Variants in SNTG2 observed in about 807,000 individuals in gnomAD.
SNTG2 encodes the protein syntrophin gamma 2, also known as gamma-2-syntrophin.
SNTG2 carries 74 observed loss-of-function variants against 70.9 expected under a neutral mutation model. The ratio of observed to expected loss-of-function variants is 1.04; its 90% CI spans 0.86 to 1.27. The LOEUF is 1.27. Ranked by LOEUF, SNTG2 falls within the 50% of genes most tolerant of loss-of-function variation. The probability of loss-of-function intolerance (pLI) is 0.00; values close to 1 mark genes in which losing one functional copy is unlikely to be tolerated. For missense variants in SNTG2, 717 were observed against 690.7 expected (o/e 1.04, Z -0.43); for synonymous variants, 278 against 273.8 (o/e 1.02, Z -0.15).
intron 1 of SNTG2, among the ~76,000 whole-genome samples, chr2:1,043,282 G>A (rs1350012748): frequency 6.6e-6 from 1 of 151,788 alleles, no homozygotes; most frequent in Non-Finnish European, 1.5e-5. Flanking sequence ...TCTTTTGTTA[G>A]ATTTGTTTAA....
intron 7 of SNTG2, among the ~76,000 whole-genome samples, chr2:1,171,208 T>C (rs1178263892): frequency 6.6e-6 from 1 of 152,214 alleles, no homozygotes; most frequent in African/African-American, 2.4e-5. Flanking sequence ...ACATTTCTGT[T>C]CTGGGATATG....
At chr2:1,167,869 C>T (rs1247209400) in intron 7 of SNTG2, among the ~76,000 whole-genome samples, 3 of 124,870 alleles carry the variant, frequency 2.4e-5, no homozygotes, top group South Asian at 5.7e-4. Flanking sequence ...CGCCCACAGA[C>T]GGCAGAACTG....
intron 9 of SNTG2, chr2:1,219,765 G>A (rs1674632008): frequency 6.6e-6 from 1 of 152,078 alleles, no homozygotes; most frequent in African/African-American, 2.4e-5. Flanking sequence ...AGTAGTAAGG[G>A]AGGAAGAGAG....
chr2:970,679 T>C (rs1412531499), intron 1 of SNTG2, among the ~76,000 whole-genome samples: 1 of 147,054 alleles, frequency 6.8e-6, no homozygotes, highest in African/African-American at 2.5e-5. Context: ...TGTTGGACAT[T>C]TGGGTTGGTT....
At position 996,038 on chromosome 2, in the gene SNTG2, T is replaced by G. The variant is rs544315885; in HGVS notation, c.72+44970T>G. 9.2e-5 allele frequency among the ~76,000 whole-genome samples: 14 copies of G among 152,308 alleles called. No homozygotes were observed. In the East Asian group the frequency reaches 2.7e-3, roughly 29 times the overall value. ...GTTATTTTTTTGTTGTTGTTTGCCTTGTAATGAGGAAACACTTTTATTGTC... is the reference window on the plus strand; with the variant it reads ...GTTATTTTTTTGTTGTTGTTTGCCTGGTAATGAGGAAACACTTTTATTGTC... On this transcript the variant is annotated intron_variant, in intron 1 of 16. Transcript: ENST00000308624.
chr2:1,197,882 A>C (rs1673026356), intron 8 of SNTG2, among the ~76,000 whole-genome samples: 1 of 152,144 alleles, frequency 6.6e-6, no homozygotes, highest in Admixed American at 6.5e-5. Flanking sequence ...TAAATAATGA[A>C]ATAAACTCCA....
chr2:1,351,639 G>A (rs1261139246), intron 16 of SNTG2, among the ~76,000 whole-genome samples: 5 of 152,130 alleles, frequency 3.3e-5, no homozygotes, highest in South Asian at 4.1e-4. Flanking sequence ...CTACCCACTC[G>A]GCCGCATCCA....
Position 1,221,512 on chromosome 2 carries a change from T to TGC in SNTG2, c.719+12282_719+12283insGC, listed in dbSNP as rs1674857298. Among the ~76,000 whole-genome samples, 2 of 10,328 alleles carry TGC rather than the reference T, an allele frequency of 1.9e-4. 1 individual carries two copies. Among genetic ancestry groups the TGC allele is most frequent in the African/African-American group, 9.7e-4 (2 of 2,052 alleles). 6.8% of individuals were successfully genotyped at this position (10,328 alleles called of 152,430 possible). On this transcript the variant is annotated intron_variant, in intron 9 of 16. Coordinates refer to ENST00000308624, the MANE Select transcript of SNTG2 (RefSeq NM_018968.4). ...CTGTCTCTCTCTGTCTCTCTCTCTC[T>TGC]CTCTGTCTCTCTCTATCTCTGTCTC...
intron 12 of SNTG2, among the ~76,000 whole-genome samples, chr2:1,251,608 GCACACAC>G (rs1677770319): frequency 8.2e-6 from 1 of 122,410 alleles, no homozygotes; most frequent in Admixed American, 8.3e-5. Flanking sequence ...CCACACTCAT[GCACACAC>G]CACACACACC....
At chr2:1,241,819 C>T (rs1193344719) in intron 11 of SNTG2, among the ~76,000 whole-genome samples, 1 of 152,128 alleles carries the variant, frequency 6.6e-6, no homozygotes, top group Non-Finnish European at 1.5e-5. Context: ...CATATTAAGC[C>T]TTGTGTATTT....
rs1014105572 is a variant in SNTG2, at chr2:994,917, T to A, written c.72+43849T>A. ...TTGGCTTTTGCTTATTGATCTCGTATCCTGCCACATTGCCAAACTCATTTA... is the reference window on the plus strand; with the variant it reads ...TTGGCTTTTGCTTATTGATCTCGTAACCTGCCACATTGCCAAACTCATTTA... On this transcript the variant is annotated intron_variant, in intron 1 of 16. Transcript: ENST00000308624. 2.6e-5 allele frequency among the ~76,000 whole-genome samples: 4 copies of A among 151,320 alleles called. No individual in the cohort carries two copies. In the Admixed American group the frequency reaches 2.6e-4, roughly 10 times the overall value.
At chr2:952,473 T>G (rs1660006574) in intron 1 of SNTG2, among the ~76,000 whole-genome samples, 1 of 152,254 alleles carries the variant, frequency 6.6e-6, no homozygotes, top group South Asian at 2.1e-4. Flanking sequence ...CGTCAACAAA[T>G]AAAGCAACTG....
intron 1 of SNTG2, among the ~76,000 whole-genome samples, chr2:985,676 T>A (rs1467250587): frequency 6.6e-6 from 1 of 152,102 alleles, no homozygotes; most frequent in Non-Finnish European, 1.5e-5. Flanking sequence ...TGTGGTTGAT[T>A]TTATGGTATT....
At chr2:1,229,513 A>C (rs1676040464) in intron 9 of SNTG2, among the ~76,000 whole-genome samples, 1 of 152,182 alleles carries the variant, frequency 6.6e-6, no homozygotes, top group Non-Finnish European at 1.5e-5. Flanking sequence ...TCCCCACCAG[A>C]CTCAGGAGCC....
intron 2 of SNTG2, among the ~76,000 whole-genome samples, chr2:1,086,003 T>C (rs1217529540): frequency 6.6e-6 from 1 of 152,184 alleles, no homozygotes; most frequent in African/African-American, 2.4e-5. Context: ...ATTTTACTAT[T>C]TAGGAAATTA....
chr2:1,259,500 A>T (rs894833674), intron 13 of SNTG2, 59 bp downstream of exon 13: 2 of 1,361,424 alleles, frequency 1.5e-6, no homozygotes, highest in Non-Finnish European at 2.1e-6. Flanking sequence ...TTGGGCTTGC[A>T]GAATGAGAGG....
At chr2:1,011,738 A>C (rs1227733908) in intron 1 of SNTG2, among the ~76,000 whole-genome samples, 2 of 151,894 alleles carry the variant, frequency 1.3e-5, no homozygotes, top group African/African-American at 4.8e-5. Flanking sequence ...GGTAGTATGC[A>C]TGAAGTATCA....
chr2:1,090,411 G>C (rs73170893), intron 2 of SNTG2, among the ~76,000 whole-genome samples: 2,090 of 152,302 alleles, frequency 0.014, 42 homozygotes, highest in African/African-American at 0.047. Flanking sequence ...ATCCACAACC[G>C]TCTGCAGCAA....
At chr2:1,138,180 G>A (rs1057041939) in intron 6 of SNTG2, among the ~76,000 whole-genome samples, 1 of 152,216 alleles carries the variant, frequency 6.6e-6, no homozygotes, top group African/African-American at 2.4e-5. Flanking sequence ...TCCCCGTACC[G>A]CCCGGGCGCT....
Sources: allele counts gnomAD v4.1 joint callset (sites outside exome capture counted in the v4.1 genomes callset), GRCh38; gene constraint gnomAD v4.1.1; transcripts MANE v1.5; gene names NCBI Gene and HGNC (gene_info 2026-07-23, HGNC 2026-07-21).